Variants in CPPED1 observed in about 807,000 individuals in gnomAD.
CPPED1 encodes the protein serine/threonine-protein phosphatase CPPED1.
In CPPED1, 28 loss-of-function variants were observed where a neutral mutation model predicts 28.0. That is an observed-to-expected ratio of 1.00 (90% confidence interval 0.74 to 1.37). The LOEUF is 1.37. CPPED1 is among the 40% of genes most tolerant of loss of function. The pLI, the probability that CPPED1 is intolerant of heterozygous loss-of-function variation, is 0.00. For synonymous variants in CPPED1, 198 were observed against 180.2 expected (o/e 1.10, Z -0.79); for missense variants, 504 against 416.5 (o/e 1.21, Z -1.83).
At chr16:12,740,273 C>T (rs1324940761) in intron 2 of CPPED1, among the ~76,000 whole-genome samples, 2 of 151,794 alleles carry the variant, frequency 1.3e-5, no homozygotes, top group African/African-American at 4.8e-5. Context: ...TGGTGAAACC[C>T]CATCTCTACA....
intron 2 of CPPED1, among the ~76,000 whole-genome samples, chr16:12,744,876 T>A (rs1338154774): frequency 6.6e-6 from 1 of 152,044 alleles, no homozygotes; most frequent in African/African-American, 2.4e-5. Context: ...CCCAGCTACT[T>A]GGAAGGCTGA....
At position 12,700,683 on chromosome 16, in the gene CPPED1, C is replaced by G. The variant is rs553604894; in HGVS notation, c.715+3941G>C. Among the ~76,000 whole-genome samples the G allele has an allele frequency of 5.3e-5, 8 of 152,364 alleles. 1 individual carries two copies. Among genetic ancestry groups the G allele is most frequent in the African/African-American group, 1.9e-4 (8 of 41,600 alleles). On this transcript the variant is annotated intron_variant, in intron 3 of 3. Coordinates refer to ENST00000381774, the MANE Select transcript of CPPED1 (RefSeq NM_018340.3). ...CTAGGATTACAGGTGTGAACTACCA[C>G]ACCTGGCCCAAAGACTTTCATTCAT...
intron 3 of CPPED1, among the ~76,000 whole-genome samples, chr16:12,696,183 C>A (rs140992609): frequency 2.3e-4 from 35 of 151,924 alleles, no homozygotes; most frequent in African/African-American, 8.2e-4. Flanking sequence ...TCATTATTTT[C>A]CCTTTCAAAT....
intron 2 of CPPED1, chr16:12,757,495 C>A (rs2080378274): frequency 6.6e-6 from 1 of 150,736 alleles, no homozygotes; most frequent in Non-Finnish European, 1.5e-5. Flanking sequence ...ACAGATAGAG[C>A]CTCAGATCCT....
chr16:12,762,456 G>C (rs921190795), intron 2 of CPPED1, among the ~76,000 whole-genome samples: 5 of 152,240 alleles, frequency 3.3e-5, no homozygotes, highest in Non-Finnish European at 7.3e-5. Flanking sequence ...TTATCTCATA[G>C]TATAATAAAA....
chr16:12,723,907 C>A (rs1227170595), intron 2 of CPPED1, among the ~76,000 whole-genome samples: 1 of 152,138 alleles, frequency 6.6e-6, no homozygotes, highest in Non-Finnish European at 1.5e-5. Flanking sequence ...CACCCAGCTG[C>A]CTGACTCAGA....
intron 1 of CPPED1, among the ~76,000 whole-genome samples, chr16:12,802,194 T>G (rs1431097266): frequency 2.0e-5 from 3 of 152,076 alleles, no homozygotes; most frequent in African/African-American, 7.2e-5. Flanking sequence ...GGGAAGATAT[T>G]CAGCATATAC....
chr16:12,659,987 A>G lies in CPPED1; in HGVS notation c.*4899T>C, dbSNP rs1397978184. ...GAGAACTCACTATCACAAGAATAGC[A>G]TGGGAGAAACTGCCTCCATGATCCA... is the stretch of plus-strand genomic sequence containing the variant. On this transcript the variant is annotated 3_prime_UTR_variant, in exon 4 of 4. Transcript: ENST00000381774. 1.3e-5 allele frequency: 2 copies of G among 152,236 alleles called. No individual in the cohort carries two copies. The highest frequency in any genetic ancestry group is 4.8e-5 in the African/African-American group (2 of 41,450). 9.4% of individuals were successfully genotyped at this position (152,236 alleles called of 1,614,324 possible).
In CPPED1 at chr16:12,664,807, A is replaced by T; in HGVS notation, c.*79T>A. On this transcript the variant is annotated 3_prime_UTR_variant, in exon 4 of 4. Coordinates refer to ENST00000381774, the MANE Select transcript of CPPED1 (RefSeq NM_018340.3). This position sits in a 1 kb window ranked among gnomAD's most constrained non-coding sequence, Gnocchi z 4.2. Reference sequence around the variant, plus strand: ...CCTGGGCTATTTTTATATTTCAGCAAGAGGTTGTGTGCAGCTGCTGTTTCT... The same window carrying T: ...CCTGGGCTATTTTTATATTTCAGCATGAGGTTGTGTGCAGCTGCTGTTTCT... The T allele has an allele frequency of 6.3e-7, 1 of 1,580,714 alleles. No individual in the cohort carries two copies. Among genetic ancestry groups the T allele is most frequent in the Non-Finnish European group, 8.6e-7 (1 of 1,169,570 alleles).
chr16:12,678,330 C>T (rs904681401), intron 3 of CPPED1, among the ~76,000 whole-genome samples: 17 of 152,152 alleles, frequency 1.1e-4, no homozygotes, highest in Non-Finnish European at 1.5e-5. Flanking sequence ...GTGTCCACAT[C>T]CTTCCATCTA....
chr16:12,731,352 A>G (rs1229905401), intron 2 of CPPED1, among the ~76,000 whole-genome samples: 1 of 150,556 alleles, frequency 6.6e-6, no homozygotes, highest in East Asian at 1.9e-4. Flanking sequence ...ACGGGGTTTC[A>G]CTGCATTAGA....
At chr16:12,742,167 C>G (rs913210518) in intron 2 of CPPED1, among the ~76,000 whole-genome samples, 1 of 152,158 alleles carries the variant, frequency 6.6e-6, no homozygotes, top group Non-Finnish European at 1.5e-5. Context: ...CCATGATACT[C>G]AGAGAAACGG....
intron 1 of CPPED1, among the ~76,000 whole-genome samples, chr16:12,801,375 G>A (rs778642009): frequency 1.3e-5 from 2 of 152,054 alleles, no homozygotes; most frequent in African/African-American, 4.8e-5. Flanking sequence ...TTACAGGCGT[G>A]AGCCACCGCG....
intron 1 of CPPED1, among the ~76,000 whole-genome samples, chr16:12,787,677 T>C (rs1420194083): frequency 6.6e-6 from 1 of 152,002 alleles, no homozygotes; most frequent in Non-Finnish European, 1.5e-5. Context: ...AGTGCTGAGA[T>C]TACAGGCATG....
At chr16:12,731,858 G>A (rs530206066) in intron 2 of CPPED1, among the ~76,000 whole-genome samples, 3 of 151,500 alleles carry the variant, frequency 2.0e-5, no homozygotes, top group South Asian at 2.1e-4. Context: ...ATATGGGGAG[G>A]AGGAAAAAAA....
At chr16:12,751,601 C>G (rs147029015) in intron 2 of CPPED1, among the ~76,000 whole-genome samples, 2 of 152,134 alleles carry the variant, frequency 1.3e-5, no homozygotes, top group African/African-American at 2.4e-5. Context: ...TAGGAAGTCC[C>G]GGGTCCCAGG....
At chr16:12,784,267 T>C (rs1016807059) in intron 1 of CPPED1, among the ~76,000 whole-genome samples, 13 of 152,184 alleles carry the variant, frequency 8.5e-5, no homozygotes, top group Non-Finnish European at 1.5e-4. Context: ...CCAACAACCA[T>C]GTGAGTCAGC....
At chr16:12,774,495 T>C (rs546433392) in intron 2 of CPPED1, among the ~76,000 whole-genome samples, 6 of 152,174 alleles carry the variant, frequency 3.9e-5, no homozygotes, top group East Asian at 1.9e-4. Context: ...TCCAGAGTCA[T>C]CTGCCTTATT....
intron 2 of CPPED1, among the ~76,000 whole-genome samples, chr16:12,734,385 T>G (rs189471201): frequency 1.8e-3 from 274 of 151,564 alleles, no homozygotes; most frequent in African/African-American, 1.5e-3. Context: ...ATAATTTTTT[T>G]TTTTTGTTTT....
Sources: allele counts gnomAD v4.1 joint callset (sites outside exome capture counted in the v4.1 genomes callset), GRCh38; gene constraint gnomAD v4.1.1; non-coding constraint Gnocchi (gnomAD v3.1); transcripts MANE v1.5; gene names NCBI Gene and HGNC (gene_info 2026-07-23, HGNC 2026-07-21).